PRIM2: variants seen among roughly 807,000 people sequenced by gnomAD.
The protein encoded by PRIM2 is DNA primase large subunit.
In PRIM2, 39 loss-of-function variants were observed where a neutral mutation model predicts 67.3. The observed-to-expected ratio is 0.58, with a 90% CI of 0.45 to 0.76. The LOEUF (loss-of-function observed/expected upper bound fraction) is 0.76. Among genes scored for constraint, PRIM2 ranks in the 30% least tolerant of loss-of-function variants. The pLI is 0.00. For synonymous variants in PRIM2, 143 were observed against 198.7 expected (o/e 0.72, Z 2.36); for missense variants, 398 against 598.7 (o/e 0.66, Z 3.50).
chr6:57,543,683 G>T (rs1775225773), intron 10 of PRIM2, among the ~76,000 whole-genome samples: 1 of 152,046 alleles, frequency 6.6e-6, no homozygotes, highest in African/African-American at 2.4e-5. Context: ...CTCTGTTCTT[G>T]AATTGACTGC....
upstream of PRIM2, chr6:57,314,939 G>A (rs897717178): frequency 6.6e-6 from 1 of 152,216 alleles, no homozygotes; most frequent in Non-Finnish European, 1.5e-5. Flanking sequence ...CAAAACTGTG[G>A]CATTAGGAAA....
At chr6:57,564,505 A>G (rs1465926474) in intron 10 of PRIM2, among the ~76,000 whole-genome samples, 2 of 152,158 alleles carry the variant, frequency 1.3e-5, no homozygotes, top group Non-Finnish European at 2.9e-5. Context: ...GTAATATGAA[A>G]TTATAAGTTT....
At chr6:57,597,601 T>G (rs1435887444) in intron 10 of PRIM2, among the ~76,000 whole-genome samples, 1 of 152,218 alleles carries the variant, frequency 6.6e-6, no homozygotes. Context: ...TGCATTAATA[T>G]TACTGTCCCT....
At chr6:57,342,211 G>A (rs1193779187) in intron 5 of PRIM2, among the ~76,000 whole-genome samples, 1 of 152,278 alleles carries the variant, frequency 6.6e-6, no homozygotes, top group East Asian at 1.9e-4. Context: ...AGTATAGGAA[G>A]CCTTAATATG....
the PRIM2 span, among the ~76,000 whole-genome samples, chr6:57,274,007 C>T: frequency 6.6e-6 from 1 of 152,276 alleles, no homozygotes; most frequent in South Asian, 2.1e-4. Context: ...CCGAGGAGTA[C>T]CCGGCCGTGT....
rs539860444 is a variant in PRIM2, at chr6:57,348,852, A to G, written c.459+22807A>G. Among the ~76,000 whole-genome samples the G allele has an allele frequency of 1.6e-3, 231 of 144,928 alleles. 1 individual carries two copies. The highest frequency in any genetic ancestry group is 5.6e-3 in the African/African-American group (218 of 38,806). On this transcript the variant is annotated intron_variant, in intron 5 of 13. Transcript: ENST00000615550. The stretch of plus-strand genomic sequence containing the variant: ...AACCTCTGCCTCCCGGGTTCAAGCT[A>G]TTATCTGCCTCAGTCTCCCAAGTAG...
At chr6:57,254,324 T>C in the PRIM2 span, among the ~76,000 whole-genome samples, 5 of 152,338 alleles carry the variant, frequency 3.3e-5, no homozygotes, top group East Asian at 9.6e-4. Flanking sequence ...GAAGATATTA[T>C]GGCAACAAGT....
intron 7 of PRIM2, chr6:57,493,897 AT>A (rs1773949336): frequency 6.6e-6 from 1 of 152,162 alleles, no homozygotes; most frequent in Non-Finnish European, 1.5e-5. Context: ...AAGGATGGCA[AT>A]TGCTCAGACT....
At chr6:57,250,535 G>A in the PRIM2 span, among the ~76,000 whole-genome samples, 6 of 152,124 alleles carry the variant, frequency 3.9e-5, no homozygotes, top group Admixed American at 6.6e-5. Flanking sequence ...ACATGATGAC[G>A]TAATTTAGAT....
At chr6:57,307,430 T>C in the PRIM2 span, among the ~76,000 whole-genome samples, 2 of 151,896 alleles carry the variant, frequency 1.3e-5, no homozygotes, top group South Asian at 2.1e-4. Context: ...ATTTTTTGTA[T>C]TTTTAGTAGA....
intron 7 of PRIM2, among the ~76,000 whole-genome samples, chr6:57,387,826 A>C (rs1169401154): frequency 1.3e-5 from 2 of 151,384 alleles, no homozygotes; most frequent in African/African-American, 4.9e-5. Flanking sequence ...GGTACTAGAG[A>C]TACTACTTAA....
intron 5 of PRIM2, among the ~76,000 whole-genome samples, chr6:57,357,830 G>A (rs1769082352): frequency 2.0e-5 from 3 of 151,902 alleles, no homozygotes; most frequent in African/African-American, 4.8e-5. Flanking sequence ...TCCTGACCTC[G>A]TGATCCACCC....
intron 10 of PRIM2, among the ~76,000 whole-genome samples, chr6:57,560,505 A>T (rs2127477994): frequency 6.6e-6 from 1 of 151,732 alleles, no homozygotes; most frequent in Admixed American, 6.6e-5. Flanking sequence ...AGAATGGTGA[A>T]TTCTTTCCAG....
the PRIM2 span, among the ~76,000 whole-genome samples, chr6:57,238,173 G>C: frequency 6.6e-6 from 1 of 152,122 alleles, no homozygotes; most frequent in East Asian, 1.9e-4. Context: ...AAGTTAACAA[G>C]GATATCCAGG....
chr6:57,444,554 G>A (rs377038495), intron 7 of PRIM2, among the ~76,000 whole-genome samples: 5 of 144,526 alleles, frequency 3.5e-5, no homozygotes, highest in South Asian at 2.2e-4. Context: ...GTGACAGGGC[G>A]AGATTCCATC....
intron 7 of PRIM2, among the ~76,000 whole-genome samples, chr6:57,476,163 A>G (rs1238798166): frequency 2.6e-5 from 4 of 152,174 alleles, no homozygotes; most frequent in African/African-American, 9.7e-5. Flanking sequence ...AACATGAGTC[A>G]TTATTGGAAT....
intron 7 of PRIM2, among the ~76,000 whole-genome samples, chr6:57,504,837 A>C (rs1774219916): frequency 6.6e-6 from 1 of 152,216 alleles, no homozygotes. Flanking sequence ...GATAATTGTT[A>C]CTTAGTTTAG....
intron 5 of PRIM2, among the ~76,000 whole-genome samples, chr6:57,368,362 C>T (rs1411244009): frequency 6.6e-6 from 1 of 152,050 alleles, no homozygotes; most frequent in African/African-American, 2.4e-5. Flanking sequence ...AAAAGCTTCA[C>T]TGGCAAGTAA....
intron 7 of PRIM2, among the ~76,000 whole-genome samples, chr6:57,449,058 C>T (rs1189773619): frequency 6.6e-6 from 1 of 152,090 alleles, no homozygotes; most frequent in Non-Finnish European, 1.5e-5. Flanking sequence ...GGATTTTTAG[C>T]TTACAGCACT....
Sources: allele counts gnomAD v4.1 joint callset (sites outside exome capture counted in the v4.1 genomes callset), GRCh38; gene constraint gnomAD v4.1.1; transcripts MANE v1.5; gene names NCBI Gene and HGNC (gene_info 2026-07-23, HGNC 2026-07-21).